Variants in TMEM236 observed in about 807,000 individuals in gnomAD.
TMEM236 encodes transmembrane protein 236, also known as family with sequence similarity 23, member A.
A neutral mutation model predicts 14.7 loss-of-function variants in TMEM236; 11 were observed. The ratio of observed to expected loss-of-function variants is 0.75; its 90% CI spans 0.47 to 1.24. The LOEUF (loss-of-function observed/expected upper bound fraction) is 1.24. Ranked by LOEUF, TMEM236 falls within the 50% of genes most tolerant of loss-of-function variation. The pLI is 0.00. For synonymous variants in TMEM236, 182 were observed against 168.6 expected, an observed-to-expected ratio of 1.08 and a Z score of -0.62; for missense variants, 464 against 427.3, an observed-to-expected ratio of 1.09 and a Z score of -0.76.
chr10:17,785,438 G>T (rs1837818669), intron 3 of TMEM236, among the ~76,000 whole-genome samples: 2 of 152,166 alleles, frequency 1.3e-5, no homozygotes, highest in African/African-American at 4.8e-5. Flanking sequence ...GCCAATCCAA[G>T]CACAGGCCAA....
intron 3 of TMEM236, among the ~76,000 whole-genome samples, chr10:17,787,508 A>AATGG (rs1266055572): frequency 2.0e-5 from 3 of 152,218 alleles, no homozygotes; most frequent in Admixed American, 1.3e-4. Flanking sequence ...AACCAGAGTC[A>AATGG]ATGGCTGGGC....
intron 3 of TMEM236, among the ~76,000 whole-genome samples, chr10:17,789,698 T>C (rs1763410332): frequency 6.6e-6 from 1 of 151,008 alleles, no homozygotes; most frequent in Non-Finnish European, 1.5e-5. Flanking sequence ...CTGGGCAACA[T>C]AGTGAGATCT....
chr10:17,798,471 C>G lies in TMEM236; in HGVS notation c.*1967C>G. 1 of 482,762 alleles carries G rather than the reference C, an allele frequency of 2.1e-6. No homozygotes were observed. The highest frequency in any genetic ancestry group is 1.6e-5 in the South Asian group (1 of 62,904). 29.9% of individuals were successfully genotyped at this position (482,762 alleles called of 1,614,324 possible). A position where few individuals can be genotyped will look rare whatever the true frequency, so the allele number is the denominator to read the frequency against. Reference sequence around the variant, plus strand: ...GGAAGATTGCTTGAGCCCAGGAGGTCAAGGCTACAGTGAGCTATGATCATG... The same window carrying G: ...GGAAGATTGCTTGAGCCCAGGAGGTGAAGGCTACAGTGAGCTATGATCATG... On this transcript the variant is annotated 3_prime_UTR_variant, in exon 4 of 4. Transcript: ENST00000377495.
At chr10:17,785,622 T>C (rs1837822186) in intron 3 of TMEM236, among the ~76,000 whole-genome samples, 1 of 152,088 alleles carries the variant, frequency 6.6e-6, no homozygotes, top group Non-Finnish European at 1.5e-5. Context: ...TCCTCTTTAG[T>C]TCTTTTTAAG....
intron 3 of TMEM236, among the ~76,000 whole-genome samples, chr10:17,786,693 T>C (rs1247267975): frequency 1.3e-5 from 2 of 152,214 alleles, no homozygotes; most frequent in Admixed American, 1.3e-4. Flanking sequence ...TTCTCAGGGC[T>C]TCTTCCTATG....
At chr10:17,790,002 C>T (rs925616197) in intron 3 of TMEM236, among the ~76,000 whole-genome samples, 5 of 151,742 alleles carry the variant, frequency 3.3e-5, no homozygotes, top group African/African-American at 4.8e-5. Flanking sequence ...CCAGCCTGGG[C>T]GACAGAGCGG....
chr10:17,770,143 A>G (rs1156592751), intron 1 of TMEM236, among the ~76,000 whole-genome samples: 1 of 152,218 alleles, frequency 6.6e-6, no homozygotes, highest in Non-Finnish European at 1.5e-5. Flanking sequence ...AGCTACAGCC[A>G]TGTTGCTGCG....
chr10:17,755,197 T>G (rs1335399699), intron 1 of TMEM236, among the ~76,000 whole-genome samples: 1 of 151,670 alleles, frequency 6.6e-6, no homozygotes, highest in African/African-American at 2.4e-5. Flanking sequence ...GTGATCTGCC[T>G]GCCTCGGCCT....
chr10:17,796,341 A>G lies in TMEM236; in HGVS notation c.893A>G (p.Asp298Gly). 6.2e-7 allele frequency: 1 copy of G among 1,613,846 alleles called. No individual in the cohort carries two copies. Among genetic ancestry groups the G allele is most frequent in the South Asian group, 1.1e-5 (1 of 91,066 alleles). ...LLNSLSVLLQ[D>G]LPFVFVRLGL... ...AATTCCCTGAGCGTCCTGCTGCAAG[A>G]TTTACCATTCGTTTTTGTTAGACTT... Residue 298 changes from aspartate (D) to glycine (G), a missense_variant, in exon 4 of 4, where the codon GAT becomes GGT. Coordinates refer to ENST00000377495, the MANE Select transcript of TMEM236 (RefSeq NM_001098844.3).
rs1280067532 is a variant in TMEM236 at position 17,757,969 on chromosome 10, A to T, written c.257+5417A>T. 3.3e-5 allele frequency among the ~76,000 whole-genome samples: 5 copies of T among 152,016 alleles called. 1 individual carries two copies. Among genetic ancestry groups the T allele is most frequent in the Admixed American group, 3.3e-4 (5 of 15,262 alleles). ...TTTTTAGTAGAGGCACAGTTTCACC[A>T]TATTGGCCAGGCTAGTCTCCAACTC... On this transcript the variant is annotated intron_variant, in intron 1 of 3. Coordinates refer to ENST00000377495, the MANE Select transcript of TMEM236 (RefSeq NM_001098844.3).
At chr10:17,771,464 T>C (rs1387862039) in intron 2 of TMEM236, 83 bp downstream of exon 2, 1 of 1,345,056 alleles carries the variant, frequency 7.4e-7, no homozygotes, top group Non-Finnish European at 1.1e-6. Context: ...AGCAGCGTGC[T>C]CAACAAATTT....
intron 1 of TMEM236, among the ~76,000 whole-genome samples, chr10:17,766,336 G>A (rs997843633): frequency 5.1e-4 from 77 of 152,224 alleles, no homozygotes; most frequent in African/African-American, 1.7e-3. Context: ...TTCATAGAAA[G>A]GATCACCCTT....
chr10:17,772,118 T>C (rs1025069448), intron 2 of TMEM236, among the ~76,000 whole-genome samples: 3 of 152,216 alleles, frequency 2.0e-5, no homozygotes, highest in Non-Finnish European at 4.4e-5. Flanking sequence ...GTACAGGGCA[T>C]AGGGGACCCA....
intron 1 of TMEM236, among the ~76,000 whole-genome samples, chr10:17,769,135 A>G (rs1837526926): frequency 6.6e-6 from 1 of 152,238 alleles, no homozygotes; most frequent in African/African-American, 2.4e-5. Flanking sequence ...CTTCATTTAA[A>G]AAACGTGAAG....
At chr10:17,759,890 G>A (rs1385298670) in intron 1 of TMEM236, among the ~76,000 whole-genome samples, 2 of 149,412 alleles carry the variant, frequency 1.3e-5, no homozygotes, top group Admixed American at 1.4e-4. Context: ...GGCTGAGGCA[G>A]GAGAATGGCG....
intron 3 of TMEM236, among the ~76,000 whole-genome samples, chr10:17,794,551 GCA>G (rs1231682695): frequency 2.0e-5 from 3 of 150,976 alleles, no homozygotes; most frequent in Non-Finnish European, 4.4e-5. Context: ...ACACACACAC[GCA>G]CACACACACA....
intron 1 of TMEM236, among the ~76,000 whole-genome samples, chr10:17,763,244 G>A (rs2131743616): frequency 6.6e-6 from 1 of 152,146 alleles, no homozygotes; most frequent in East Asian, 1.9e-4. Context: ...TTGAGAGCAG[G>A]AGTTTGAGAC....
At chr10:17,777,119 GTC>G (rs1323577475) in intron 3 of TMEM236, among the ~76,000 whole-genome samples, 1 of 152,200 alleles carries the variant, frequency 6.6e-6, no homozygotes, top group African/African-American at 2.4e-5. Context: ...GGGCTCGTCA[GTC>G]ATTTATGGGT....
chr10:17,784,765 G>A (rs1456058063), intron 3 of TMEM236, among the ~76,000 whole-genome samples: 2 of 152,164 alleles, frequency 1.3e-5, no homozygotes, highest in Non-Finnish European at 2.9e-5. Context: ...CATGAAATAG[G>A]AAGCAAATTT....
Sources: gnomAD v4.1 joint callset for allele counts (sites outside exome capture counted in the v4.1 genomes callset) on GRCh38, gnomAD v4.1.1 for gene constraint, MANE v1.5 for transcripts, NCBI Gene and HGNC (gene_info 2026-07-23, HGNC 2026-07-21) for gene names.